Variants in PIP5K1C observed in about 807,000 individuals in gnomAD.
PIP5K1C encodes phosphatidylinositol 4-phosphate 5-kinase type-1 gamma.
A neutral mutation model predicts 80.1 loss-of-function variants in PIP5K1C; 45 were observed. The observed-to-expected ratio is 0.56, with a 90% CI of 0.44 to 0.72. The LOEUF is 0.72. Ranked by LOEUF, PIP5K1C falls within the 30% of genes least tolerant of loss-of-function variation. The pLI is 0.00. For synonymous variants in PIP5K1C, 498 were observed against 420.1 expected, an observed-to-expected ratio of 1.19 and a Z score of -2.27; for missense variants, 753 against 954.6, an observed-to-expected ratio of 0.79 and a Z score of 2.78.
chr19:3,692,102 T>C lies in PIP5K1C; in HGVS notation c.94+8195A>G, dbSNP rs182972138. ...GTCCCCACTCCCTGGGCGCCCACCA[T>C]GGGCAGGGCCGGCTCTGAGCCTTTT... On this transcript the variant is annotated intron_variant, in intron 1 of 17. Coordinates refer to ENST00000335312, the MANE Select transcript of PIP5K1C (RefSeq NM_012398.3). This position sits in a 1 kb window ranked among gnomAD's most constrained non-coding sequence, Gnocchi z 5.2. Among the ~76,000 whole-genome samples the C allele has an allele frequency of 6.2e-4, 95 of 152,300 alleles. 2 individuals carry two copies. Among genetic ancestry groups the C allele is most frequent in the African/African-American group, 2.2e-3 (93 of 41,542 alleles).
intron 16 of PIP5K1C, among the ~76,000 whole-genome samples, chr19:3,635,777 A>G (rs2033660229): frequency 6.6e-6 from 1 of 152,290 alleles, no homozygotes; most frequent in South Asian, 2.1e-4. Context: ...CAGGAGATTG[A>G]GACCATCCTG....
At chr19:3,668,117 C>T (rs917449944) in intron 1 of PIP5K1C, among the ~76,000 whole-genome samples, 3 of 151,972 alleles carry the variant, frequency 2.0e-5, no homozygotes, top group African/African-American at 7.2e-5. Flanking sequence ...GAGAGGACAA[C>T]AGAGGCCTGC....
At chr19:3,655,961 C>T (rs2034612929) in intron 6 of PIP5K1C, among the ~76,000 whole-genome samples, 1 of 152,222 alleles carries the variant, frequency 6.6e-6, no homozygotes, top group Non-Finnish European at 1.5e-5. Context: ...TCACGCCTGC[C>T]TGAGCAGCTG....
In PIP5K1C at chr19:3,637,011, G is replaced by A. The variant is rs1025194250; in HGVS notation, c.1920+1873C>T. 11 of 1,043,096 alleles carry A rather than the reference G, an allele frequency of 1.1e-5. No individual in the cohort carries two copies. Among genetic ancestry groups the A allele is most frequent in the South Asian group, 3.5e-5 (1 of 28,866 alleles). The allele number at this position is 1,043,096 out of a possible 1,614,324, so 64.6% of individuals were successfully genotyped here. A position where few individuals can be genotyped will look rare whatever the true frequency, so the allele number is the denominator to read the frequency against. On this transcript the variant is annotated intron_variant, in intron 16 of 17. Coordinates refer to ENST00000335312, the MANE Select transcript of PIP5K1C (RefSeq NM_012398.3). This position sits in a 1 kb window ranked among gnomAD's most constrained non-coding sequence, Gnocchi z 7.0. The stretch of plus-strand genomic sequence containing the variant: ...GGTCTCCCAGGCTCCCAGGGGAGCC[G>A]AGGCCTCAGCGCCTCCATCTGTGAG...
rs370549911 is a variant in PIP5K1C at position 3,653,506 on chromosome 19, G to A, written c.705C>T (p.Val235=). The change falls in exon 7 of 18, where the codon GTC becomes GTT. Residue 235 remains valine, a synonymous_variant. Transcript: ENST00000335312. ...CVQSGGKNIR[V]VVMNNILPRV... is the part of the protein sequence containing the mutation. ...GGGGCAGGATGTTGTTCATGACCAC[G>A]ACGCGGATGTTCTTGCCCCCCGACT... The A allele has an allele frequency of 4.2e-5, 67 of 1,613,700 alleles. No homozygotes were observed. Among genetic ancestry groups the A allele is most frequent in the Middle Eastern group, 1.6e-4 (1 of 6,084 alleles).
intron 1 of PIP5K1C, among the ~76,000 whole-genome samples, chr19:3,685,494 G>A (rs1267357389): frequency 6.6e-6 from 1 of 152,190 alleles, no homozygotes; most frequent in East Asian, 1.9e-4. Flanking sequence ...ACTTTGGGAG[G>A]CCGAGGCGGG....
rs201369917 is a variant in PIP5K1C, at chr19:3,660,955, A to C, written c.468+11T>G. On this transcript the variant is annotated intron_variant, in intron 5 of 17. Coordinates refer to ENST00000335312, the MANE Select transcript of PIP5K1C (RefSeq NM_012398.3). ...TCAAGCCTGGAAGCCCGTAACAGCAAATATGCTTACCAAGTAATCATCTGG... is the reference window on the plus strand; with the variant it reads ...TCAAGCCTGGAAGCCCGTAACAGCACATATGCTTACCAAGTAATCATCTGG... 1,219 of 1,604,590 alleles carry C rather than the reference A, an allele frequency of 7.6e-4. 2 individuals are homozygous for C. The highest frequency in any genetic ancestry group is 9.4e-4 in the Non-Finnish European group (1,103 of 1,171,744).
chr19:3,683,351 G>A (rs1009001923), intron 1 of PIP5K1C, among the ~76,000 whole-genome samples: 15 of 152,176 alleles, frequency 9.9e-5, no homozygotes, highest in African/African-American at 2.9e-4. Flanking sequence ...GGAGGGAAAC[G>A]GGGTTGGATG....
At chr19:3,643,030 C>T in intron 13 of PIP5K1C, 91 bp from the exon 14 acceptor site, 1 of 1,515,508 alleles carries the variant, frequency 6.6e-7, no homozygotes, top group Non-Finnish European at 9.2e-7. Flanking sequence ...GCCTACCTGC[C>T]CCCTGGCAGC....
intron 8 of PIP5K1C, among the ~76,000 whole-genome samples, chr19:3,650,265 GC>G (rs1345497642): frequency 6.6e-6 from 1 of 152,230 alleles, no homozygotes; most frequent in Non-Finnish European, 1.5e-5. Flanking sequence ...GGGGAAGGCT[GC>G]CCCCCAACCT....
At chr19:3,687,431 G>C (rs764157521) in intron 1 of PIP5K1C, among the ~76,000 whole-genome samples, 1 of 151,914 alleles carries the variant, frequency 6.6e-6, no homozygotes, top group African/African-American at 2.4e-5. Flanking sequence ...GGCAGGAAAG[G>C]AAGAAAGGAC....
intron 3 of PIP5K1C, among the ~76,000 whole-genome samples, 176 bp downstream of exon 3, chr19:3,664,646 T>C (rs1006767477): frequency 2.0e-5 from 3 of 152,164 alleles, no homozygotes; most frequent in African/African-American, 7.2e-5. Context: ...CAGCAAACAG[T>C]GGGGCCTCAT....
chr19:3,635,025 G>C (rs564348532), intron 16 of PIP5K1C, among the ~76,000 whole-genome samples: 1 of 152,342 alleles, frequency 6.6e-6, no homozygotes, highest in East Asian at 1.9e-4. Context: ...AGCCCGGCAT[G>C]GGGAGCCTAT....
At position 3,637,187 on chromosome 19, in the gene PIP5K1C, C is replaced by T. The variant is rs889341413; in HGVS notation, c.1920+1697G>A. On this transcript the variant is annotated intron_variant, in intron 16 of 17. Transcript: ENST00000335312. This position sits in a 1 kb window ranked among gnomAD's most constrained non-coding sequence, Gnocchi z 7.0. ...TCTGCACGAGTGAGAAGCGTCCACC[C>T]AAGACACCCTGACACGAGAGGGCTG... 2 of 1,429,856 alleles carry T rather than the reference C, an allele frequency of 1.4e-6. No homozygotes were observed. Among genetic ancestry groups the T allele is most frequent in the African/African-American group, 1.4e-5 (1 of 69,526 alleles). 88.6% of individuals were successfully genotyped at this position (1,429,856 alleles called of 1,614,324 possible).
At chr19:3,667,840 G>A (rs1303335387) in intron 1 of PIP5K1C, among the ~76,000 whole-genome samples, 1 of 152,226 alleles carries the variant, frequency 6.6e-6, no homozygotes, top group Admixed American at 6.5e-5. Context: ...TCGGGCATGG[G>A]GAAATCAGGT....
In PIP5K1C at chr19:3,643,366, A is replaced by T; in HGVS notation, c.1526T>A (p.Leu509Gln). 1 of 1,613,576 alleles carries T rather than the reference A, an allele frequency of 6.2e-7. No individual in the cohort carries two copies. The highest frequency in any genetic ancestry group is 2.2e-5 in the East Asian group (1 of 44,870). Residue 509 changes from leucine (L) to glutamine (Q), a missense_variant, in exon 13 of 18, where the codon CTG (leucine) becomes CAG (glutamine). This residue lies in a region of PIP5K1C where 315 missense variants were observed against 294.5 expected (regional missense o/e 1.07). Transcript: ENST00000335312. ...TTCGAAAGAAGGTGGCGTGCAGGGCAGGAGGTCGGGCCGGCCTGAGGGGAG... is the reference window on the plus strand; with the variant it reads ...TTCGAAAGAAGGTGGCGTGCAGGGCTGGAGGTCGGGCCGGCCTGAGGGGAG... The part of the protein sequence containing the change: ...TLEDEGRPDL[L>Q]PCTPPSFEEA...
At chr19:3,659,519 G>T (rs549480025) in intron 5 of PIP5K1C, among the ~76,000 whole-genome samples, 1 of 152,354 alleles carries the variant, frequency 6.6e-6, no homozygotes, top group East Asian at 1.9e-4. Flanking sequence ...GCTGCCTTCT[G>T]TTCCTGGCCG....
chr19:3,655,107 CAAAAA>C (rs545856738), intron 6 of PIP5K1C, among the ~76,000 whole-genome samples: 31 of 45,862 alleles, frequency 6.8e-4, no homozygotes, highest in Non-Finnish European at 1.0e-3. Flanking sequence ...GACTCCATCT[CAAAAA>C]AAAAAAAAAA....
intron 1 of PIP5K1C, among the ~76,000 whole-genome samples, chr19:3,693,701 C>T (rs2036014981): frequency 7.1e-6 from 1 of 141,552 alleles, no homozygotes. Flanking sequence ...CGTGCAGCTT[C>T]CCAGGGGCTA....
Sources: gnomAD v4.1 joint callset for allele counts (sites outside exome capture counted in the v4.1 genomes callset) on GRCh38, gnomAD v4.1.1 for gene constraint, gnomAD v4.1.1 regional missense constraint, Gnocchi (gnomAD v3.1) non-coding constraint, MANE v1.5 for transcripts, NCBI Gene and HGNC (gene_info 2026-07-23, HGNC 2026-07-21) for gene names.